The following COL5A1 variants were observed in gnomAD, a reference collection of about 807,000 sequenced individuals.
COL5A1 encodes the protein collagen alpha-1(V) chain.
In COL5A1, 16 loss-of-function variants were observed where a neutral mutation model predicts 263.7. The observed-to-expected ratio is 0.06, with a 90% CI of 0.04 to 0.09. The LOEUF is 0.09. COL5A1 is among the 10% of genes least tolerant of loss of function. The probability of loss-of-function intolerance (pLI) is 1.00; values close to 1 mark genes in which losing one functional copy is unlikely to be tolerated. For missense variants in COL5A1, 2,036 were observed against 2,540.5 expected (o/e 0.80, Z 4.27); for synonymous variants, 1,012 against 1,004.5 (o/e 1.01, Z -0.14).
chr9:134,816,040 G>A (rs555542492), intron 52 of COL5A1, 52 bp downstream of exon 52: 2 of 1,582,480 alleles, frequency 1.3e-6, no homozygotes, highest in East Asian at 2.2e-5. Context: ...GTGTATTCTT[G>A]GGACCTTGCA....
rs2132532102 is a variant in COL5A1, at chr9:134,681,861, C to T, written c.110-9051C>T. On this transcript the variant is annotated intron_variant, in intron 1 of 65. Transcript: ENST00000371817. The surrounding 1 kb of genome is among the most constrained non-coding windows in gnomAD (Gnocchi z 4.3). Reference sequence around the variant, plus strand: ...TTTGGGGCCTGCAGAAACCTCCCCTCTCTTCCTCGCTCTTCCTCTCTTTCT... The same window carrying T: ...TTTGGGGCCTGCAGAAACCTCCCCTTTCTTCCTCGCTCTTCCTCTCTTTCT... 6.6e-6 allele frequency among the ~76,000 whole-genome samples: 1 copy of T among 152,298 alleles called. No individual in the cohort carries two copies. Among genetic ancestry groups the T allele is most frequent in the African/African-American group, 2.4e-5 (1 of 41,570 alleles).
At chr9:134,659,314 G>GCCTCAC (rs1832128433) in intron 1 of COL5A1, among the ~76,000 whole-genome samples, 1 of 152,156 alleles carries the variant, frequency 6.6e-6, no homozygotes, top group Admixed American at 6.5e-5. Flanking sequence ...GCTTGAACCT[G>GCCTCAC]GGCGGCAGAG....
intron 65 of COL5A1, among the ~76,000 whole-genome samples, chr9:134,838,271 C>A (rs1839912489): frequency 6.6e-6 from 1 of 152,178 alleles, no homozygotes; most frequent in Admixed American, 6.5e-5. Flanking sequence ...GACGGCAACC[C>A]AGAATGTCTC....
At chr9:134,747,955 A>ACATGCG (rs1835613443) in intron 11 of COL5A1, among the ~76,000 whole-genome samples, 1 of 147,878 alleles carries the variant, frequency 6.8e-6, no homozygotes, top group East Asian at 2.0e-4. Context: ...ACACATGCAG[A>ACATGCG]CACATGCACA....
Position 134,757,365 on chromosome 9 carries a change from C to T in COL5A1, c.1881+547C>T, listed in dbSNP as rs1395565807. On this transcript the variant is annotated intron_variant, in intron 17 of 65. Coordinates refer to ENST00000371817, the MANE Select transcript of COL5A1 (RefSeq NM_000093.5). This position sits in a 1 kb window ranked among gnomAD's most constrained non-coding sequence, Gnocchi z 6.2. ...TGAGCATTGCCCCGGTCTTGGCTCA[C>T]CCCTCCTCCTCGCCTCTTGGAAGCA... Among the ~76,000 whole-genome samples, 1 of 152,180 alleles carries T rather than the reference C, an allele frequency of 6.6e-6. No individual in the cohort carries two copies. The highest frequency in any genetic ancestry group is 1.5e-5 in the Non-Finnish European group (1 of 68,036).
intron 4 of COL5A1, among the ~76,000 whole-genome samples, chr9:134,706,783 ACCCTGGAGTC>A (rs1461039722): frequency 6.6e-6 from 1 of 152,138 alleles, no homozygotes; most frequent in Non-Finnish European, 1.5e-5. Flanking sequence ...GGCCCTGAGG[ACCCTGGAGTC>A]CCCTGGCCCA....
At chr9:134,748,127 C>A (rs1040497616) in intron 11 of COL5A1, among the ~76,000 whole-genome samples, 2 of 98,264 alleles carry the variant, frequency 2.0e-5, no homozygotes, top group African/African-American at 7.7e-5. Flanking sequence ...AGACATGCAT[C>A]CACACATGCA....
intron 34 of COL5A1, 125 bp from the exon 35 acceptor site, chr9:134,796,249 G>A: frequency 9.5e-7 from 1 of 1,053,344 alleles, no homozygotes; most frequent in Non-Finnish European, 1.5e-6. Context: ...TGAGGGTCAG[G>A]GCCACCTTCA....
At chr9:134,753,770 C>CA in intron 14 of COL5A1, 80 bp from the exon 15 acceptor site, 3 of 764,268 alleles carry the variant, frequency 3.9e-6, no homozygotes, top group Admixed American at 1.8e-5. Flanking sequence ...CCCCCTGCCC[C>CA]TCCCCTGCCA....
chr9:134,829,956 C>T lies in COL5A1; in HGVS notation c.5068-20C>T, dbSNP rs908690867. 3.7e-6 allele frequency: 6 copies of T among 1,610,554 alleles called. No homozygotes were observed. The highest frequency in any genetic ancestry group is 5.1e-6 in the Non-Finnish European group (6 of 1,178,600). On this transcript the variant is annotated intron_variant, in intron 63 of 65. Coordinates refer to ENST00000371817, the MANE Select transcript of COL5A1 (RefSeq NM_000093.5). ...TTTGTTCTGTTTCTCTCCCTCCCCA[C>T]CTCCCCGCTGCATGTTTAGGCCAGA...
intron 44 of COL5A1, among the ~76,000 whole-genome samples, chr9:134,810,899 A>G (rs1838496830): frequency 6.6e-6 from 1 of 152,100 alleles, no homozygotes. Context: ...TACCAGGGCC[A>G]AGGGCACTGT....
At position 134,757,834 on chromosome 9, in the gene COL5A1, C is replaced by T. The variant is rs760400064; in HGVS notation, c.1882-409C>T. 1.4e-4 allele frequency among the ~76,000 whole-genome samples: 21 copies of T among 152,112 alleles called. No individual in the cohort carries two copies. Among genetic ancestry groups the T allele is most frequent in the African/African-American group, 2.9e-4 (12 of 41,428 alleles). On this transcript the variant is annotated intron_variant, in intron 17 of 65. Coordinates refer to ENST00000371817, the MANE Select transcript of COL5A1 (RefSeq NM_000093.5). The surrounding 1 kb of genome is among the most constrained non-coding windows in gnomAD (Gnocchi z 6.2). ...AATGGGTACGCGTACCTCCTGAGCGCGGGCAGCCCCTCGGCACCATGGATA... is the reference window on the plus strand; with the variant it reads ...AATGGGTACGCGTACCTCCTGAGCGTGGGCAGCCCCTCGGCACCATGGATA...
chr9:134,778,841 A>G (rs1325748965), intron 27 of COL5A1, among the ~76,000 whole-genome samples: 2 of 152,206 alleles, frequency 1.3e-5, no homozygotes, highest in Non-Finnish European at 2.9e-5. Context: ...CAGGGCAACC[A>G]CGCCGCTGCC....
rs1378626783 is a variant in COL5A1, at chr9:134,822,110, C to T, written c.4568C>T (p.Pro1523Leu). Residue 1523 changes from proline to leucine, a missense_variant, in exon 59 of 66, where the codon CCT becomes CTT. Coordinates refer to ENST00000371817, the MANE Select transcript of COL5A1 (RefSeq NM_000093.5). ...GGTCCTTTTCAGGGTATCACTGGTC[C>T]TTCTGGCCCGATTGGGCCTCCTGGG... Reference protein sequence around the residue: ...GPKGEQGITGPSGPIGPPGPP... With the variant: ...GPKGEQGITGLSGPIGPPGPP... 2.5e-6 allele frequency: 4 copies of T among 1,608,382 alleles called. No individual in the cohort carries two copies. Among genetic ancestry groups the T allele is most frequent in the South Asian group, 2.2e-5 (2 of 90,934 alleles).
chr9:134,766,305 G>GC, intron 21 of COL5A1, 149 bp from the exon 22 acceptor site: 1 of 771,904 alleles, frequency 1.3e-6, no homozygotes, highest in Non-Finnish European at 2.3e-6. Flanking sequence ...GGGATTTGGA[G>GC]TCAGGTCCTT....
intron 1 of COL5A1, among the ~76,000 whole-genome samples, chr9:134,645,589 G>A (rs1165401920): frequency 1.3e-5 from 2 of 152,214 alleles, no homozygotes; most frequent in Non-Finnish European, 2.9e-5. Flanking sequence ...TGGAGGGGCT[G>A]GCACTTGCCT....
At chr9:134,761,214 T>G in intron 18 of COL5A1, among the ~76,000 whole-genome samples, 1 of 119,882 alleles carries the variant, frequency 8.3e-6, no homozygotes, top group Non-Finnish European at 1.7e-5. Context: ...CACACAGGCA[T>G]ACACATGCAC....
At chr9:134,826,547 T>G (rs1839270258) in intron 63 of COL5A1, among the ~76,000 whole-genome samples, 1 of 145,546 alleles carries the variant, frequency 6.9e-6, no homozygotes, top group Non-Finnish European at 1.5e-5. Context: ...TGGATGGGTG[T>G]GTGAATGGTG....
At position 134,772,904 on chromosome 9, in the gene COL5A1, C is replaced by A; in HGVS notation, c.2331+70C>A. The A allele has an allele frequency of 2.0e-6, 3 of 1,479,566 alleles. No homozygotes were observed. In the South Asian group the frequency reaches 3.4e-5, roughly 17 times the overall value. 91.7% of individuals were successfully genotyped at this position (1,479,566 alleles called of 1,614,324 possible). On this transcript the variant is annotated intron_variant, in intron 26 of 65. Coordinates refer to ENST00000371817, the MANE Select transcript of COL5A1 (RefSeq NM_000093.5). ...GCGGGTCCAGGTGCTCTGGGCTCAG[C>A]CTCTGCTCAGGGACATCCAGCTTGG...
Sources: gnomAD v4.1 joint callset for allele counts (sites outside exome capture counted in the v4.1 genomes callset) on GRCh38, gnomAD v4.1.1 for gene constraint, Gnocchi (gnomAD v3.1) non-coding constraint, MANE v1.5 for transcripts, NCBI Gene and HGNC (gene_info 2026-07-23, HGNC 2026-07-21) for gene names.